The following TCHP variants were observed in gnomAD, a reference collection of about 807,000 sequenced individuals.
TCHP encodes trichoplein keratin filament binding.
Under a neutral mutation model 88.7 loss-of-function variants are expected in TCHP, and 81 were observed. The ratio of observed to expected loss-of-function variants is 0.91; its 90% confidence interval spans 0.76 to 1.10. The LOEUF (loss-of-function observed/expected upper bound fraction) is 1.10. Among genes scored for constraint, TCHP ranks in the 50% least tolerant of loss-of-function variants. The pLI is 0.00. For synonymous variants in TCHP, 232 were observed against 232.5 expected (o/e 1.00, Z 0.02); for missense variants, 641 against 632.1 (o/e 1.01, Z -0.15).
At chr12:109,904,334 T>C (rs1251782713) in intron 3 of TCHP, among the ~76,000 whole-genome samples, 187 bp downstream of exon 3, 8 of 152,220 alleles carry the variant, frequency 5.3e-5, no homozygotes, top group Admixed American at 5.2e-4. Context: ...TGTAGTCTCT[T>C]TAGCCCCTTC....
rs1314796090 is a variant in TCHP at position 109,917,342 on chromosome 12, G to A, written c.*719G>A. On this transcript the variant is annotated 3_prime_UTR_variant, in exon 13 of 13. Coordinates refer to ENST00000405876, the MANE Select transcript of TCHP (RefSeq NM_001143852.2). The stretch of plus-strand genomic sequence containing the variant: ...CAAAACGAACTTCAAACTGGGTGTG[G>A]TGGCACGTGCCTTTAGTCCCAGCTA... 2 of 152,180 alleles carry A rather than the reference G, an allele frequency of 1.3e-5. No individual in the cohort carries two copies. The highest frequency in any genetic ancestry group is 4.8e-5 in the African/African-American group (2 of 41,414). The allele number at this position is 152,180 out of a possible 1,614,324, so 9.4% of individuals were successfully genotyped here. A position where few individuals can be genotyped will look rare whatever the true frequency, so the allele number is the denominator to read the frequency against.
chr12:109,894,161 G>A, the TCHP span, among the ~76,000 whole-genome samples: 9 of 151,304 alleles, frequency 5.9e-5, no homozygotes, highest in Non-Finnish European at 1.2e-4. Flanking sequence ...CTCTAGCCTG[G>A]GCAACAGAGT....
chr12:109,892,344 G>A, the TCHP span, among the ~76,000 whole-genome samples: 1 of 152,216 alleles, frequency 6.6e-6, no homozygotes, highest in Non-Finnish European at 1.5e-5. Flanking sequence ...AGTTAGCAGA[G>A]GGGAAGGGTC....
chr12:109,886,122 A>G, the TCHP span, among the ~76,000 whole-genome samples: 1 of 152,186 alleles, frequency 6.6e-6, no homozygotes, highest in African/African-American at 2.4e-5. Context: ...TCCATGGGTT[A>G]CAATCCATTA....
chr12:109,898,514 A>C (rs1869625254), upstream of TCHP, among the ~76,000 whole-genome samples: 1 of 152,018 alleles, frequency 6.6e-6, no homozygotes, highest in African/African-American at 2.4e-5. Flanking sequence ...CCGGCCTGAA[A>C]GTTGCTCTAT....
At chr12:109,906,274 C>A (rs1870118399) in intron 4 of TCHP, among the ~76,000 whole-genome samples, 1 of 152,194 alleles carries the variant, frequency 6.6e-6, no homozygotes, top group African/African-American at 2.4e-5. Context: ...AATTGTATTT[C>A]CATTTCAGCG....
rs766808418 is a variant in TCHP, at chr12:109,915,467, C to G, written c.1385C>G (p.Ala462Gly). The G allele has an allele frequency of 1.9e-6, 3 of 1,614,006 alleles. No individual in the cohort carries two copies. Among genetic ancestry groups the G allele is most frequent in the Admixed American group, 3.3e-5 (2 of 60,016 alleles). ...DQQEEEEEEE[A>G]RRVEQLSDAL... ...CAGGAGGAGGAGGAAGAGGAGGAGG[C>G]CCGGCGGGTCGAGCAGCTCTCAGAT... The change falls in exon 12 of 13, where the codon GCC becomes GGC. Residue 462 changes from alanine to glycine, a missense_variant. Physicochemically the swap from Ala to Gly is moderately conservative, Grantham distance 60 (BLOSUM62 0). Transcript: ENST00000405876.
the TCHP span, chr12:109,888,373 C>G: frequency 6.6e-6 from 1 of 152,226 alleles, no homozygotes; most frequent in Non-Finnish European, 1.5e-5. Context: ...GGTCACTGTA[C>G]TTCTCCATGA....
At chr12:109,913,861 T>C (rs1347286251) in intron 10 of TCHP, among the ~76,000 whole-genome samples, 1 of 152,174 alleles carries the variant, frequency 6.6e-6, no homozygotes, top group African/African-American at 2.4e-5. Flanking sequence ...TTTTCCTCAT[T>C]TAAATTTCCC....
chr12:109,885,123 C>A, the TCHP span, among the ~76,000 whole-genome samples: 10 of 152,118 alleles, frequency 6.6e-5, no homozygotes, highest in African/African-American at 2.4e-4. Context: ...CACCTGCCAC[C>A]ACACCCTGTT....
Position 109,908,950 on chromosome 12 carries a change from A to G in TCHP, c.879+13A>G. 1 of 1,613,960 alleles carries G rather than the reference A, an allele frequency of 6.2e-7. No homozygotes were observed. The highest frequency in any genetic ancestry group is 8.5e-7 in the Non-Finnish European group (1 of 1,179,822). ...CCAAGAGGAGCTGGTAAGTCTGAAG[A>G]GACAGCCTGACATCTTTCTTAGCCT... On this transcript the variant is annotated intron_variant, in intron 8 of 12. Coordinates refer to ENST00000405876, the MANE Select transcript of TCHP (RefSeq NM_001143852.2).
the TCHP span, among the ~76,000 whole-genome samples, chr12:109,890,156 T>C: frequency 1.3e-5 from 2 of 152,194 alleles, no homozygotes; most frequent in Non-Finnish European, 2.9e-5. Context: ...GCCTGGCCTT[T>C]GTAGTCTCAC....
At position 109,904,731 on chromosome 12, in the gene TCHP, TGATA is replaced by T. The variant is rs1252747945; in HGVS notation, c.400-2_401del. On this transcript the variant is annotated splice_acceptor_variant and splice_polypyrimidine_tract_variant and intron_variant, in intron 3 of 12. Transcript: ENST00000405876. LOFTEE classifies it high-confidence loss of function. ...TCAGGCTTTCCATTTTGTGTTTTCT[TGATA>T]GATTGCTGAACAACTTTTGTACGAA... The T allele has an allele frequency of 6.2e-7, 1 of 1,609,838 alleles. No homozygotes were observed. Among genetic ancestry groups the T allele is most frequent in the African/African-American group, 1.3e-5 (1 of 74,656 alleles).
At chr12:109,906,504 A>G (rs967077306) in intron 4 of TCHP, 68 bp from the exon 5 acceptor site, 1 of 1,486,424 alleles carries the variant, frequency 6.7e-7, no homozygotes, top group Non-Finnish European at 9.4e-7. Flanking sequence ...AGAGGGCAGG[A>G]GCACACTGTC....
chr12:109,910,625 T>C (rs1437390859), intron 8 of TCHP, among the ~76,000 whole-genome samples: 1 of 152,234 alleles, frequency 6.6e-6, no homozygotes, highest in Admixed American at 6.5e-5. Flanking sequence ...GCTTCCATTA[T>C]GTTGATGTAC....
the TCHP span, among the ~76,000 whole-genome samples, chr12:109,893,317 T>A: frequency 6.6e-6 from 1 of 150,444 alleles, no homozygotes; most frequent in Admixed American, 6.6e-5. Context: ...AGGCAGAGGC[T>A]GCATTAAGCT....
chr12:109,908,964 C>A, intron 8 of TCHP, 27 bp downstream of exon 8: 1 of 1,610,934 alleles, frequency 6.2e-7, no homozygotes, highest in Non-Finnish European at 8.5e-7. Context: ...AGCCTGACAT[C>A]TTTCTTAGCC....
chr12:109,890,823 C>A, the TCHP span, among the ~76,000 whole-genome samples: 3 of 152,122 alleles, frequency 2.0e-5, no homozygotes, highest in African/African-American at 7.2e-5. Flanking sequence ...CTTTTTCATT[C>A]CATTCAGTTC....
chr12:109,908,506 A>C, intron 6 of TCHP, 80 bp from the exon 7 acceptor site: 2 of 1,273,576 alleles, frequency 1.6e-6, no homozygotes, highest in Non-Finnish European at 2.2e-6. Flanking sequence ...TGTCTGCGAA[A>C]AATGGAGATG....
Sources: allele counts gnomAD v4.1 joint callset (sites outside exome capture counted in the v4.1 genomes callset), GRCh38; gene constraint gnomAD v4.1.1; transcripts MANE v1.5; gene names NCBI Gene and HGNC (gene_info 2026-07-23, HGNC 2026-07-21).